RNASET2: variants seen among roughly 807,000 people sequenced by gnomAD.
RNASET2 encodes ribonuclease T2.
RNASET2 carries 28 observed loss-of-function variants against 33.9 expected under a neutral mutation model. The observed-to-expected ratio is 0.83, with a 90% CI of 0.61 to 1.13. RNASET2 has a LOEUF of 1.13. RNASET2 is among the 50% of genes most tolerant of loss of function. The pLI, the probability that RNASET2 is intolerant of heterozygous loss-of-function variation, is 0.00. For missense variants in RNASET2, 330 were observed against 319.9 expected (o/e 1.03, Z -0.24); for synonymous variants, 123 against 121.0 (o/e 1.02, Z -0.11).
In RNASET2 at chr6:166,928,204, G is replaced by A. The variant is rs565208496; in HGVS notation, c.*1384C>T. Among the ~76,000 whole-genome samples the A allele has an allele frequency of 6.6e-5, 10 of 152,314 alleles. No individual in the cohort carries two copies. Among genetic ancestry groups the A allele is most frequent in the South Asian group, 2.1e-4 (1 of 4,828 alleles). On this transcript the variant is annotated 3_prime_UTR_variant, in exon 9 of 9. Coordinates refer to ENST00000508775, the MANE Select transcript of RNASET2 (RefSeq NM_003730.6). ...GCTTGTTTCCAGAGGGCCAGAGGCC[G>A]TCCTGTGTCTCCTTTAATGCCTGCG...
At chr6:166,940,969 C>G (rs528510755) in intron 5 of RNASET2, among the ~76,000 whole-genome samples, 265 of 152,300 alleles carry the variant, frequency 1.7e-3, no homozygotes, top group African/African-American at 6.2e-3. Context: ...TGCTGTGACA[C>G]CTTCCCCTGC....
In RNASET2 at chr6:166,933,869, T is replaced by C. The variant is rs546294091; in HGVS notation, c.492+222A>G. 3.9e-4 allele frequency: 229 copies of C among 590,656 alleles called. No homozygotes were observed. The highest frequency in any genetic ancestry group is 5.4e-4 in the Non-Finnish European group (179 of 331,720). The allele number at this position is 590,656 out of a possible 1,614,324, so 36.6% of individuals were successfully genotyped here. A position where few individuals can be genotyped will look rare whatever the true frequency, so the allele number is the denominator to read the frequency against. Reference sequence around the variant, plus strand: ...CACACACTTCTCACAAAGGGAGCCATGAAATCTGTGCTTCCAAATCACTGG... The same window carrying C: ...CACACACTTCTCACAAAGGGAGCCACGAAATCTGTGCTTCCAAATCACTGG... On this transcript the variant is annotated intron_variant, in intron 7 of 8. Transcript: ENST00000508775. This position sits in a 1 kb window ranked among gnomAD's most constrained non-coding sequence, Gnocchi z 4.1.
At chr6:166,939,805 A>C (rs949854440) in intron 5 of RNASET2, among the ~76,000 whole-genome samples, 2 of 152,258 alleles carry the variant, frequency 1.3e-5, no homozygotes, top group Non-Finnish European at 2.9e-5. Flanking sequence ...AGAACAACTG[A>C]ATAGCCTATA....
chr6:166,955,363 GCACACACAAACGCACACGCA>G (rs1779128532), intron 1 of RNASET2: 1 of 252,686 alleles, frequency 4.0e-6, no homozygotes, highest in African/African-American at 4.6e-5. Flanking sequence ...ACACACACAC[GCACACACAAACGCACACGCA>G]CACACACACA....
chr6:166,940,930 G>A (rs1778678735), intron 5 of RNASET2, among the ~76,000 whole-genome samples: 1 of 152,036 alleles, frequency 6.6e-6, no homozygotes, highest in Non-Finnish European at 1.5e-5. Context: ...CTCGGGGCTG[G>A]TTATGCCCAA....
At chr6:166,951,465 C>G (rs563820411) in intron 2 of RNASET2, among the ~76,000 whole-genome samples, 19 of 152,344 alleles carry the variant, frequency 1.2e-4, no homozygotes, top group Admixed American at 1.2e-3. Flanking sequence ...GGTGCCTTCC[C>G]TAGGCACTGA....
chr6:166,952,415 C>T (rs868422354), intron 2 of RNASET2, 73 bp downstream of exon 2: 327 of 1,321,724 alleles, frequency 2.5e-4, no homozygotes, highest in South Asian at 4.9e-4. Flanking sequence ...GTGCCCTGGA[C>T]GGGCACGTGC....
chr6:166,954,964 C>T (rs935289639), intron 1 of RNASET2, among the ~76,000 whole-genome samples: 1 of 152,024 alleles, frequency 6.6e-6, no homozygotes, highest in African/African-American at 2.4e-5. Flanking sequence ...GTACTCCAGC[C>T]TGAGTGACAG....
chr6:166,930,950 T>C lies in RNASET2; in HGVS notation c.567+94A>G, dbSNP rs1778421880. 9.1e-6 allele frequency: 8 copies of C among 876,508 alleles called. No individual in the cohort carries two copies. In the South Asian group the frequency reaches 1.0e-4, roughly 11 times the overall value. The allele number at this position is 876,508 out of a possible 1,614,324, so 54.3% of individuals were successfully genotyped here. A position where few individuals can be genotyped will look rare whatever the true frequency, so the allele number is the denominator to read the frequency against. On this transcript the variant is annotated intron_variant, in intron 8 of 8. Coordinates refer to ENST00000508775, the MANE Select transcript of RNASET2 (RefSeq NM_003730.6). ...AGACACAAATGCACAAATACAAGTC[T>C]GCCCCAGGGAACTGCATGGTGAAGA...
chr6:166,930,288 C>G (rs973596077), intron 8 of RNASET2, among the ~76,000 whole-genome samples: 2 of 152,256 alleles, frequency 1.3e-5, no homozygotes, highest in Admixed American at 6.5e-5. Flanking sequence ...TGCTCACACA[C>G]AGCACATGCT....
At position 166,927,328 on chromosome 6, in the gene RNASET2, A is replaced by G. The variant is rs547454840; in HGVS notation, c.*2260T>C. Among the ~76,000 whole-genome samples, 3 of 152,202 alleles carry G rather than the reference A, an allele frequency of 2.0e-5. No homozygotes were observed. The South Asian group carries it at 6.2e-4, about 32-fold the overall frequency. ...TAGGCCAAAATAGGAATATTAAGAGAGCCAAGCATTTGCTTGTGCTCATGT... is the reference window on the plus strand; with the variant it reads ...TAGGCCAAAATAGGAATATTAAGAGGGCCAAGCATTTGCTTGTGCTCATGT... On this transcript the variant is annotated 3_prime_UTR_variant, in exon 9 of 9. Coordinates refer to ENST00000508775, the MANE Select transcript of RNASET2 (RefSeq NM_003730.6).
chr6:166,923,062 G>A lies in RNASET2; in HGVS notation c.*6526C>T, dbSNP rs905596999. Among the ~76,000 whole-genome samples, 2 of 152,194 alleles carry A rather than the reference G, an allele frequency of 1.3e-5. No individual in the cohort carries two copies. The highest frequency in any genetic ancestry group is 2.9e-5 in the Non-Finnish European group (2 of 68,034). The stretch of plus-strand genomic sequence containing the variant: ...AGCACGTCAGCATAAAGTCCATACA[G>A]CATTTAATGGATCTTAACTTTATCC... On this transcript the variant is annotated 3_prime_UTR_variant, in exon 9 of 9. Coordinates refer to ENST00000508775, the MANE Select transcript of RNASET2 (RefSeq NM_003730.6).
chr6:166,924,390 C>T lies in RNASET2; in HGVS notation c.*5198G>A, dbSNP rs141249258. Among the ~76,000 whole-genome samples the T allele has an allele frequency of 0.022, 3,369 of 152,174 alleles. 119 individuals carry two copies. Among genetic ancestry groups the T allele is most frequent in the African/African-American group, 0.077 (3,193 of 41,498 alleles). ...CTGGTATTACAGGCATGAGCCACCA[C>T]GCCCGGCCTCTCTTTTCTATTTTAT... On this transcript the variant is annotated 3_prime_UTR_variant, in exon 9 of 9. Transcript: ENST00000508775.
chr6:166,943,381 G>C (rs566536637), intron 4 of RNASET2: 1 of 366,760 alleles, frequency 2.7e-6, no homozygotes, highest in Admixed American at 3.8e-5. Flanking sequence ...CCAATGAGCC[G>C]TCGAGTCATG....
chr6:166,955,171 G>A lies in RNASET2; in HGVS notation c.86+926C>T, dbSNP rs1293715310. On this transcript the variant is annotated intron_variant, in intron 1 of 8. Coordinates refer to ENST00000508775, the MANE Select transcript of RNASET2 (RefSeq NM_003730.6). Reference sequence around the variant, plus strand: ...TGTTTACCCCTAATTAATTTGGGCGGCTGCCACACACACACACGCACACAC... The same window carrying A: ...TGTTTACCCCTAATTAATTTGGGCGACTGCCACACACACACACGCACACAC... Among the ~76,000 whole-genome samples, 20 of 122,740 alleles carry A rather than the reference G, an allele frequency of 1.6e-4. No homozygotes were observed. The Admixed American group carries it at 1.8e-3, about 11-fold the overall frequency. The allele number at this position is 122,740 out of a possible 152,430, so 80.5% of individuals were successfully genotyped here.
At chr6:166,940,531 G>A (rs914450746) in intron 5 of RNASET2, among the ~76,000 whole-genome samples, 6 of 152,128 alleles carry the variant, frequency 3.9e-5, no homozygotes, top group Admixed American at 2.0e-4. Flanking sequence ...TGAATTCCAG[G>A]TGACTTAGTT....
chr6:166,956,004 G>A (rs1779155717), intron 1 of RNASET2, 93 bp downstream of exon 1: 18 of 1,281,698 alleles, frequency 1.4e-5, no homozygotes, highest in Non-Finnish European at 1.2e-5. Flanking sequence ...GGGGCTCAGC[G>A]ACCGCCGACC....
At chr6:166,937,606 C>T (rs1033899755) in intron 6 of RNASET2, among the ~76,000 whole-genome samples, 1 of 152,198 alleles carries the variant, frequency 6.6e-6, no homozygotes, top group Non-Finnish European at 1.5e-5. Flanking sequence ...GTGTATAGGT[C>T]TGTGTACGTT....
rs547053380 is a variant in RNASET2 at position 166,927,711 on chromosome 6, C to T, written c.*1877G>A. 6.4e-4 allele frequency among the ~76,000 whole-genome samples: 47 copies of T among 73,106 alleles called. 2 individuals carry two copies. In the South Asian group the frequency reaches 0.015, roughly 23 times the overall value. The allele number at this position is 73,106 out of a possible 152,430, so 48.0% of individuals were successfully genotyped here. ...CTTGATCCCTGTGTTCGCAAAATGA[C>T]TCAAAAAAAAAAAAAAAAAAAAAAA... On this transcript the variant is annotated 3_prime_UTR_variant, in exon 9 of 9. Coordinates refer to ENST00000508775, the MANE Select transcript of RNASET2 (RefSeq NM_003730.6).
Sources: allele counts gnomAD v4.1 joint callset (sites outside exome capture counted in the v4.1 genomes callset), GRCh38; gene constraint gnomAD v4.1.1; non-coding constraint Gnocchi (gnomAD v3.1); transcripts MANE v1.5; gene names NCBI Gene and HGNC (gene_info 2026-07-23, HGNC 2026-07-21).